The following DCDC1 variants were observed in gnomAD, a reference collection of about 807,000 sequenced individuals.
DCDC1 encodes the protein doublecortin domain-containing protein 1.
In DCDC1, 200 loss-of-function variants were observed where a neutral mutation model predicts 178.3. That is an observed-to-expected ratio of 1.12 (90% CI 1.00 to 1.26). The LOEUF is 1.26. Among genes scored for constraint, DCDC1 ranks in the 50% most tolerant of loss-of-function variants. DCDC1 has a pLI of 0.00. For synonymous variants in DCDC1, 690 were observed against 604.8 expected (o/e 1.14, Z -2.07); for missense variants, 1,983 against 1,749.2 (o/e 1.13, Z -2.38).
chr11:31,331,665 T>A (rs1949996195), intron 2 of DCDC1, among the ~76,000 whole-genome samples: 1 of 152,238 alleles, frequency 6.6e-6, no homozygotes, highest in African/African-American at 2.4e-5. Flanking sequence ...GTTCTGTTTA[T>A]GTGATGGATT....
chr11:30,983,430 A>G (rs1950488097), intron 20 of DCDC1, among the ~76,000 whole-genome samples: 1 of 152,246 alleles, frequency 6.6e-6, no homozygotes, highest in Admixed American at 6.5e-5. Flanking sequence ...TATGTTGCAT[A>G]AAATTGACAT....
At chr11:30,875,851 T>C (rs923440611) in intron 38 of DCDC1, among the ~76,000 whole-genome samples, 10 of 152,172 alleles carry the variant, frequency 6.6e-5, no homozygotes, top group African/African-American at 2.4e-4. Context: ...TACTAATATA[T>C]CCTGTTTTAC....
Position 31,265,506 on chromosome 11 carries a change from C to T in DCDC1, c.1054+1G>A. On this transcript the variant is annotated splice_donor_variant, in intron 8 of 38. Transcript: ENST00000684477. LOFTEE classifies it high-confidence loss of function. ...TGGTTTACAAAATCTTTGCCACTTA[C>T]CTTTTGAAATATCTTCAATTTTTCT... The T allele has an allele frequency of 7.1e-7, 1 of 1,403,464 alleles. No homozygotes were observed. The highest frequency in any genetic ancestry group is 2.7e-5 in the East Asian group (1 of 36,706). 86.9% of individuals were successfully genotyped at this position (1,403,464 alleles called of 1,614,324 possible).
intron 34 of DCDC1, among the ~76,000 whole-genome samples, chr11:30,897,582 C>CA (rs35815662): frequency 0.097 from 7,049 of 72,602 alleles, 526 homozygotes; most frequent in African/African-American, 0.14. Context: ...GACTCCGTCT[C>CA]AAAAAAAAAA....
At chr11:30,929,135 G>A (rs1946769874) in intron 22 of DCDC1, among the ~76,000 whole-genome samples, 1 of 152,030 alleles carries the variant, frequency 6.6e-6, no homozygotes, top group Non-Finnish European at 1.5e-5. Context: ...CATTCGTTCA[G>A]TAGTCACTAA....
At chr11:31,323,171 T>C (rs1949459678) in intron 3 of DCDC1, among the ~76,000 whole-genome samples, 1 of 152,216 alleles carries the variant, frequency 6.6e-6, no homozygotes, top group Admixed American at 6.5e-5. Flanking sequence ...TAGATTTCTA[T>C]GGCATAAATT....
intron 18 of DCDC1, among the ~76,000 whole-genome samples, chr11:31,073,229 AC>A (rs1333871927): frequency 1.3e-5 from 2 of 152,206 alleles, no homozygotes; most frequent in East Asian, 3.8e-4. Context: ...TAGAAACAAA[AC>A]CTTGAAAATA....
intron 18 of DCDC1, among the ~76,000 whole-genome samples, chr11:31,066,775 T>C (rs1831517018): frequency 6.6e-6 from 1 of 152,188 alleles, no homozygotes; most frequent in Non-Finnish European, 1.5e-5. Context: ...TGTATAATAC[T>C]ATAATGGTGG....
chr11:30,950,687 T>C (rs1251150191), intron 21 of DCDC1, among the ~76,000 whole-genome samples: 2 of 151,958 alleles, frequency 1.3e-5, no homozygotes, highest in Non-Finnish European at 2.9e-5. Flanking sequence ...ACTAGAATGA[T>C]GGTTGCCAGA....
At chr11:31,275,440 A>G (rs988402867) in intron 7 of DCDC1, among the ~76,000 whole-genome samples, 4 of 151,806 alleles carry the variant, frequency 2.6e-5, no homozygotes, top group Non-Finnish European at 5.9e-5. Context: ...TTAGGTATAC[A>G]CTCTTTTCCC....
intron 9 of DCDC1, among the ~76,000 whole-genome samples, chr11:31,170,746 T>C (rs1967102462): frequency 6.6e-6 from 1 of 152,202 alleles, no homozygotes; most frequent in Non-Finnish European, 1.5e-5. Flanking sequence ...GGTTTACTCT[T>C]TAGGCACAAG....
intron 3 of DCDC1, among the ~76,000 whole-genome samples, chr11:31,311,889 T>G (rs758375015): frequency 6.6e-6 from 1 of 152,192 alleles, no homozygotes; most frequent in Non-Finnish European, 1.5e-5. Context: ...TCACAGCTGT[T>G]TCCACTCTCT....
intron 11 of DCDC1, among the ~76,000 whole-genome samples, chr11:31,124,832 G>A (rs1425437005): frequency 6.6e-6 from 1 of 152,074 alleles, no homozygotes; most frequent in Non-Finnish European, 1.5e-5. Context: ...AACCTTAGAA[G>A]AAAATCTAGG....
intron 11 of DCDC1, among the ~76,000 whole-genome samples, chr11:31,111,691 G>T (rs1004876093): frequency 1.3e-5 from 2 of 152,022 alleles, no homozygotes; most frequent in African/African-American, 4.8e-5. Context: ...ATCTCTTCAG[G>T]GCTCAACTTT....
intron 21 of DCDC1, among the ~76,000 whole-genome samples, chr11:30,932,908 A>G (rs955409530): frequency 6.6e-6 from 1 of 152,132 alleles, no homozygotes; most frequent in Non-Finnish European, 1.5e-5. Context: ...TCACAGAGAT[A>G]GACACTTGTG....
chr11:31,283,971 CCTCTCTCTCT>C (rs35150053), intron 7 of DCDC1, among the ~76,000 whole-genome samples: 42 of 148,468 alleles, frequency 2.8e-4, no homozygotes, highest in African/African-American at 8.4e-4. Context: ...TCTTTCCCTC[CCTCTCTCTCT>C]CTCTCTCTCT....
chr11:31,341,180 T>C (rs2133212372), intron 1 of DCDC1, among the ~76,000 whole-genome samples: 1 of 152,256 alleles, frequency 6.6e-6, no homozygotes, highest in Non-Finnish European at 1.5e-5. Flanking sequence ...AAGAAAGAAC[T>C]TGGCTAAGTA....
chr11:30,973,237 G>A (rs1949910154), intron 20 of DCDC1, among the ~76,000 whole-genome samples: 1 of 143,888 alleles, frequency 6.9e-6, no homozygotes, highest in African/African-American at 2.6e-5. Context: ...TGGCACCACT[G>A]CACTCCAACC....
At chr11:30,874,607 G>C (rs1941945278) in intron 38 of DCDC1, among the ~76,000 whole-genome samples, 1 of 152,046 alleles carries the variant, frequency 6.6e-6, no homozygotes, top group South Asian at 2.1e-4. Flanking sequence ...AGGAGCCCTG[G>C]GAAGTTCCCT....
Sources: gnomAD v4.1 joint callset for allele counts (sites outside exome capture counted in the v4.1 genomes callset) on GRCh38, gnomAD v4.1.1 for gene constraint, MANE v1.5 for transcripts, NCBI Gene and HGNC (gene_info 2026-07-23, HGNC 2026-07-21) for gene names.